CENPW: variants seen among roughly 807,000 people sequenced by gnomAD.
CENPW encodes the protein cancer-up-regulated gene 2 protein.
A neutral mutation model predicts 11.1 loss-of-function variants in CENPW; 3 were observed. The ratio of observed to expected loss-of-function variants is 0.27; its 90% CI spans 0.12 to 0.70. The LOEUF is 0.70. Ranked by LOEUF, CENPW falls within the 30% of genes least tolerant of loss-of-function variation. The pLI, the probability that CENPW is intolerant of heterozygous loss-of-function variation, is 0.77. For missense variants in CENPW, 100 were observed against 105.6 expected (o/e 0.95, Z 0.23); for synonymous variants, 38 against 42.0 (o/e 0.91, Z 0.37).
the CENPW span, among the ~76,000 whole-genome samples, chr6:126,443,774 A>G: frequency 6.6e-6 from 1 of 151,140 alleles, no homozygotes; most frequent in African/African-American, 2.4e-5. Context: ...AATTATTACT[A>G]CTGCTCCTTA....
At chr6:126,389,636 CT>C in the CENPW span, among the ~76,000 whole-genome samples, 1 of 146,614 alleles carries the variant, frequency 6.8e-6, no homozygotes, top group Admixed American at 7.1e-5. Flanking sequence ...AATCAAAACC[CT>C]TGTTATCTAT....
At chr6:126,437,155 T>C in the CENPW span, among the ~76,000 whole-genome samples, 2 of 151,926 alleles carry the variant, frequency 1.3e-5, no homozygotes, top group Non-Finnish European at 2.9e-5. Context: ...TTTATTTTAA[T>C]GCCAAACTAA....
At chr6:126,383,537 A>C in the CENPW span, among the ~76,000 whole-genome samples, 4 of 152,148 alleles carry the variant, frequency 2.6e-5, no homozygotes, top group South Asian at 8.3e-4. Context: ...CCCATCTCAC[A>C]TGCAGTGACA....
chr6:126,388,026 A>G, the CENPW span, among the ~76,000 whole-genome samples: 1 of 151,988 alleles, frequency 6.6e-6, no homozygotes, highest in Non-Finnish European at 1.5e-5. Flanking sequence ...TGCTTATACA[A>G]CGTTTCACCA....
chr6:126,388,316 T>TGTA, the CENPW span, among the ~76,000 whole-genome samples: 1 of 152,012 alleles, frequency 6.6e-6, no homozygotes, highest in Non-Finnish European at 1.5e-5. Flanking sequence ...TCTTGTAATC[T>TGTA]GTAGTAGATT....
chr6:126,401,909 A>G, the CENPW span, among the ~76,000 whole-genome samples: 5 of 152,106 alleles, frequency 3.3e-5, no homozygotes, highest in South Asian at 1.0e-3. Flanking sequence ...TACTCTTAGC[A>G]ATTCATTAAA....
At chr6:126,394,229 C>T in the CENPW span, among the ~76,000 whole-genome samples, 1 of 150,168 alleles carries the variant, frequency 6.7e-6, no homozygotes, top group African/African-American at 2.4e-5. Flanking sequence ...TTTCTATCTT[C>T]CTTTTAGTGA....
At chr6:126,457,949 ACT>A in the CENPW span, among the ~76,000 whole-genome samples, 3 of 151,128 alleles carry the variant, frequency 2.0e-5, no homozygotes, top group Non-Finnish European at 4.4e-5. Flanking sequence ...CATGCATGGG[ACT>A]CTCTGTTTAT....
At chr6:126,466,876 A>G in the CENPW span, among the ~76,000 whole-genome samples, 1 of 152,124 alleles carries the variant, frequency 6.6e-6, no homozygotes, top group Non-Finnish European at 1.5e-5. Flanking sequence ...CAGGAACTCA[A>G]TCATATTCAC....
At chr6:126,481,655 A>G in the CENPW span, among the ~76,000 whole-genome samples, 5 of 152,014 alleles carry the variant, frequency 3.3e-5, no homozygotes, top group South Asian at 4.1e-4. Flanking sequence ...TGAAGGTCCC[A>G]CTCTTAATGC....
intron 1 of CENPW, among the ~76,000 whole-genome samples, chr6:126,344,463 G>C (rs1258886664): frequency 6.6e-6 from 1 of 152,188 alleles, no homozygotes; most frequent in Non-Finnish European, 1.5e-5. Context: ...TATCCTGAGG[G>C]TATCTGGAAG....
chr6:126,405,961 A>G, the CENPW span, among the ~76,000 whole-genome samples: 2 of 151,906 alleles, frequency 1.3e-5, no homozygotes, highest in South Asian at 4.1e-4. Flanking sequence ...TTGACTTCCT[A>G]TTTCTCTGGT....
At chr6:126,447,357 A>G in the CENPW span, among the ~76,000 whole-genome samples, 680 of 151,300 alleles carry the variant, frequency 4.5e-3, 5 homozygotes, top group Non-Finnish European at 7.7e-3. Context: ...GAAAAAGAAA[A>G]TTATCAATTG....
chr6:126,369,018 A>G, the CENPW span, among the ~76,000 whole-genome samples: 1 of 151,992 alleles, frequency 6.6e-6, no homozygotes, highest in Non-Finnish European at 1.5e-5. Flanking sequence ...GCTCCCACTT[A>G]TGAGTGAGAA....
the CENPW span, among the ~76,000 whole-genome samples, chr6:126,389,261 GAC>G: frequency 6.6e-6 from 1 of 151,862 alleles, no homozygotes; most frequent in Non-Finnish European, 1.5e-5. Flanking sequence ...CCACATAGGA[GAC>G]AATTGCTATC....
At chr6:126,413,237 C>G in the CENPW span, among the ~76,000 whole-genome samples, 1 of 151,976 alleles carries the variant, frequency 6.6e-6, no homozygotes, top group Non-Finnish European at 1.5e-5. Context: ...ACTCAAAAAT[C>G]TCAAAATAGA....
the CENPW span, among the ~76,000 whole-genome samples, chr6:126,357,070 T>A: frequency 6.6e-6 from 1 of 152,216 alleles, no homozygotes; most frequent in Non-Finnish European, 1.5e-5. Flanking sequence ...TCTTACAGTT[T>A]TAGATGATAC....
At chr6:126,385,398 C>T in the CENPW span, among the ~76,000 whole-genome samples, 4 of 152,058 alleles carry the variant, frequency 2.6e-5, no homozygotes, top group Admixed American at 6.6e-5. Context: ...AAATGTGGTG[C>T]ATATACCATG....
the CENPW span, among the ~76,000 whole-genome samples, chr6:126,457,782 T>A: frequency 6.6e-6 from 1 of 151,418 alleles, no homozygotes; most frequent in East Asian, 2.0e-4. Context: ...CTCAGGGCAT[T>A]GGTAGGAACA....
Sources: gnomAD v4.1 joint callset for allele counts (sites outside exome capture counted in the v4.1 genomes callset) on GRCh38, gnomAD v4.1.1 for gene constraint, MANE v1.5 for transcripts, NCBI Gene and HGNC (gene_info 2026-07-23, HGNC 2026-07-21) for gene names.